Variants in DNAH3 observed in about 807,000 individuals in gnomAD.
DNAH3 encodes axonemal beta dynein heavy chain 3.
A neutral mutation model predicts 432.5 loss-of-function variants in DNAH3; 332 were observed. The observed-to-expected ratio is 0.77, with a 90% CI of 0.70 to 0.84. The LOEUF (loss-of-function observed/expected upper bound fraction) is 0.84, where lower values mean the gene tolerates loss of function less well. Ranked by LOEUF, DNAH3 falls within the 40% of genes least tolerant of loss-of-function variation. The pLI, the probability that DNAH3 is intolerant of heterozygous loss-of-function variation, is 0.00. For synonymous variants in DNAH3, 1,956 were observed against 1,900.2 expected, an observed-to-expected ratio of 1.03 and a Z score of -0.76; for missense variants, 4,861 against 5,114.0, an observed-to-expected ratio of 0.95 and a Z score of 1.51.
chr16:21,060,491 C>T, intron 25 of DNAH3, 135 bp from the exon 26 acceptor site: 1 of 571,810 alleles, frequency 1.7e-6, no homozygotes, highest in South Asian at 2.4e-5. Flanking sequence ...AGTCAATATT[C>T]TCTGTCTCCC....
At chr16:21,046,535 T>A (rs2089705885) in intron 31 of DNAH3, among the ~76,000 whole-genome samples, 1 of 152,150 alleles carries the variant, frequency 6.6e-6, no homozygotes, top group Non-Finnish European at 1.5e-5. Flanking sequence ...TTGGTAGATC[T>A]TCCTCCATCC....
chr16:21,016,283 TG>T (rs1410393064), intron 41 of DNAH3, among the ~76,000 whole-genome samples: 3 of 152,186 alleles, frequency 2.0e-5, no homozygotes, highest in Non-Finnish European at 2.9e-5. Flanking sequence ...ATATTGTTAA[TG>T]ATAGTAAAAA....
At chr16:21,153,444 C>A (rs1357155062) in intron 1 of DNAH3, among the ~76,000 whole-genome samples, 7 of 152,156 alleles carry the variant, frequency 4.6e-5, no homozygotes, top group Non-Finnish European at 1.0e-4. Context: ...ATTGTAAACG[C>A]ACCAATCAGC....
chr16:20,941,187 A>G (rs947984802), intron 59 of DNAH3, among the ~76,000 whole-genome samples: 6 of 152,204 alleles, frequency 3.9e-5, no homozygotes, highest in African/African-American at 1.2e-4. Context: ...TATAGATGTC[A>G]CATGAATGAA....
At chr16:20,976,809 C>T (rs1006419451) in intron 50 of DNAH3, among the ~76,000 whole-genome samples, 7 of 152,186 alleles carry the variant, frequency 4.6e-5, no homozygotes, top group Admixed American at 1.3e-4. Flanking sequence ...AAAAAGGCAG[C>T]CGTCTGCAAA....
chr16:20,944,149 T>TAA (rs201074315), intron 58 of DNAH3, among the ~76,000 whole-genome samples: 2 of 126,246 alleles, frequency 1.6e-5, no homozygotes, highest in Non-Finnish European at 3.4e-5. Context: ...TCTTTTAAAT[T>TAA]AAAAAAAAAA....
chr16:20,981,259 G>A (rs1217178396), intron 49 of DNAH3, among the ~76,000 whole-genome samples: 1 of 152,202 alleles, frequency 6.6e-6, no homozygotes, highest in Non-Finnish European at 1.5e-5. Flanking sequence ...CATTGGAAAT[G>A]AAGATGTAAT....
intron 1 of DNAH3, among the ~76,000 whole-genome samples, chr16:21,157,336 C>CTTTTTT (rs34449371): frequency 8.9e-6 from 1 of 111,876 alleles, no homozygotes; most frequent in Non-Finnish European, 1.8e-5. Flanking sequence ...GTGATTGCTT[C>CTTTTTT]TTTTTTTTTT....
chr16:21,152,633 G>C (rs998664221), intron 1 of DNAH3, among the ~76,000 whole-genome samples: 1 of 152,254 alleles, frequency 6.6e-6, no homozygotes, highest in Non-Finnish European at 1.5e-5. Flanking sequence ...TGCGCACGGC[G>C]CTTGCGGGCC....
exon 47 of DNAH3, chr16:20,987,335 G>A: frequency 3.7e-6 from 6 of 1,614,126 alleles, no homozygotes; most frequent in African/African-American, 1.3e-5. Context: ...AGCAATTGGA[G>A]GTGGTTTCCT....
At chr16:21,137,653 C>A (rs773539330) in intron 5 of DNAH3, among the ~76,000 whole-genome samples, 3 of 151,920 alleles carry the variant, frequency 2.0e-5, no homozygotes, top group Non-Finnish European at 4.4e-5. Context: ...AAACTCCTGA[C>A]CTCAGGTGAT....
At chr16:21,024,795 T>G in intron 38 of DNAH3, 94 bp from the exon 39 acceptor site, 1 of 954,962 alleles carries the variant, frequency 1.0e-6, no homozygotes, top group South Asian at 1.4e-5. Flanking sequence ...TCAGGCACCA[T>G]GCTAGGCATT....
chr16:20,966,423 C>A (rs1248373961), intron 52 of DNAH3, among the ~76,000 whole-genome samples: 3 of 152,092 alleles, frequency 2.0e-5, no homozygotes, highest in African/African-American at 7.2e-5. Context: ...AAAGCCATTG[C>A]CATATAGAGG....
chr16:20,940,058 T>G (rs557945412), intron 59 of DNAH3, among the ~76,000 whole-genome samples: 2 of 152,320 alleles, frequency 1.3e-5, no homozygotes, highest in African/African-American at 4.8e-5. Context: ...GTAGAGGCAC[T>G]AGGATGAACG....
chr16:20,987,310 C>T, exon 47 of DNAH3: 1 of 1,614,108 alleles, frequency 6.2e-7, no homozygotes, highest in Admixed American at 1.7e-5. Context: ...TTTACCTTCT[C>T]TATGGTCTGC....
rs373406793 is a variant in DNAH3 at position 21,113,906 on chromosome 16, C to T, written c.1815-1808G>A. ...CAAATATTACGATAGTCCCTCCTTA[C>T]CCTTGGGGATATGTTCCAAGACCCC... On this transcript the variant is annotated intron_variant, in intron 12 of 61. Transcript: ENST00000261383. Among the ~76,000 whole-genome samples the T allele has an allele frequency of 1.2e-4, 18 of 152,314 alleles. 1 individual carries two copies. The South Asian group carries it at 3.7e-3, about 32-fold the overall frequency.
intron 37 of DNAH3, among the ~76,000 whole-genome samples, chr16:21,030,140 G>C (rs1478321375): frequency 6.6e-6 from 1 of 152,112 alleles, no homozygotes; most frequent in African/African-American, 2.4e-5. Flanking sequence ...ATGCACTTTT[G>C]CAATGTGACC....
At chr16:20,973,419 A>C (rs567784054) in intron 51 of DNAH3, among the ~76,000 whole-genome samples, 1 of 151,908 alleles carries the variant, frequency 6.6e-6, no homozygotes, top group Non-Finnish European at 1.5e-5. Context: ...CACCCAGCTA[A>C]TTTTTGTATT....
chr16:21,131,890 G>A, intron 7 of DNAH3, among the ~76,000 whole-genome samples: 1 of 148,540 alleles, frequency 6.7e-6, no homozygotes, highest in Admixed American at 6.7e-5. Flanking sequence ...GAGAAAGAAA[G>A]GAAGAGAGAA....
Sources: allele counts gnomAD v4.1 joint callset (sites outside exome capture counted in the v4.1 genomes callset), GRCh38; gene constraint gnomAD v4.1.1; transcripts MANE v1.5; gene names NCBI Gene and HGNC (gene_info 2026-07-23, HGNC 2026-07-21).